Variants in ARHGAP5 observed in about 807,000 individuals in gnomAD.
ARHGAP5 encodes Rho GTPase activating protein 5.
ARHGAP5 carries 23 observed loss-of-function variants against 116.6 expected under a neutral mutation model. The observed-to-expected ratio is 0.20, with a 90% CI of 0.14 to 0.28. The LOEUF is 0.28. ARHGAP5 is among the 10% of genes least tolerant of loss of function. ARHGAP5 has a pLI of 1.00. For missense variants in ARHGAP5, 1,405 were observed against 1,774.8 expected, an observed-to-expected ratio of 0.79 and a Z score of 3.74; for synonymous variants, 574 against 602.0, an observed-to-expected ratio of 0.95 and a Z score of 0.68.
At chr14:32,081,868 A>G (rs1375714602) in intron 1 of ARHGAP5, among the ~76,000 whole-genome samples, 2 of 152,180 alleles carry the variant, frequency 1.3e-5, no homozygotes, top group Admixed American at 6.5e-5. Context: ...TTAGAGAACT[A>G]GTAAAAAATT....
intron 3 of ARHGAP5, among the ~76,000 whole-genome samples, chr14:32,134,529 C>T (rs985387515): frequency 6.6e-6 from 1 of 152,056 alleles, no homozygotes; most frequent in Non-Finnish European, 1.5e-5. Flanking sequence ...TAAGTGAAGC[C>T]CCATTAGTAA....
chr14:32,135,387 G>A (rs1176465739), intron 3 of ARHGAP5, among the ~76,000 whole-genome samples: 1 of 152,118 alleles, frequency 6.6e-6, no homozygotes, highest in African/African-American at 2.4e-5. Context: ...AGACTCACCT[G>A]GTCTGTTCAC....
chr14:32,127,639 C>A (rs567681985), intron 3 of ARHGAP5, among the ~76,000 whole-genome samples: 1 of 152,212 alleles, frequency 6.6e-6, no homozygotes, highest in African/African-American at 2.4e-5. Flanking sequence ...CTTTTCTATT[C>A]GACAAAACCG....
chr14:32,106,324 T>G (rs1879017556), intron 2 of ARHGAP5, among the ~76,000 whole-genome samples: 1 of 152,136 alleles, frequency 6.6e-6, no homozygotes, highest in African/African-American at 2.4e-5. Flanking sequence ...TTTCACCATC[T>G]TGGCCAGGCT....
Position 32,094,368 on chromosome 14 carries a change from A to G in ARHGAP5, c.3699A>G (p.Lys1233=), listed in dbSNP as rs770371912. Residue 1233 remains lysine, a synonymous_variant, in exon 2 of 7, where the codon AAA becomes AAG. Coordinates refer to ENST00000345122, the MANE Select transcript of ARHGAP5 (RefSeq NM_001030055.2). ...DDKKMKKKTH[K]VKEDKKQKKK... is the part of the protein sequence containing the mutation. ...AGAAGATGAAGAAGAAAACCCACAA[A>G]GTGAAAGAAGATAAAAAGGTAAGGT... The G allele has an allele frequency of 6.4e-7, 1 of 1,574,156 alleles. No homozygotes were observed. Among genetic ancestry groups the G allele is most frequent in the Admixed American group, 2.1e-5 (1 of 48,210 alleles).
Position 32,093,972 on chromosome 14 carries a change from G to A in ARHGAP5, c.3303G>A (p.Gln1101=), listed in dbSNP as rs558000347. The A allele has an allele frequency of 1.2e-6, 2 of 1,613,724 alleles. No individual in the cohort carries two copies. Among genetic ancestry groups the A allele is most frequent in the Non-Finnish European group, 1.7e-6 (2 of 1,179,936 alleles). ...AACCCATTGATACAATTTTCAAACA[G>A]AAGGGCTATTCTGATGAGATTTATG... ...YAEPIDTIFK[Q]KGYSDEIYVV... is the part of the protein sequence containing the mutation. The change falls in exon 2 of 7, where the codon CAG becomes CAA. Residue 1101 remains glutamine (Q), a synonymous_variant. Transcript: ENST00000345122.
intron 4 of ARHGAP5, 117 bp from the exon 5 acceptor site, chr14:32,149,785 G>A (rs1881557532): frequency 9.5e-6 from 5 of 529,020 alleles, no homozygotes; most frequent in Non-Finnish European, 1.2e-5. Flanking sequence ...AAAAAAAAAA[G>A]AAAAAGAAAA....
chr14:32,084,064 T>A (rs1289413874), intron 1 of ARHGAP5, among the ~76,000 whole-genome samples: 1 of 152,234 alleles, frequency 6.6e-6, no homozygotes, highest in African/African-American at 2.4e-5. Flanking sequence ...TTAGAATGAC[T>A]TGCACACCAA....
rs1042349624 is a variant in ARHGAP5, at chr14:32,133,671, G to A, written c.3866-12592G>A. Among the ~76,000 whole-genome samples, 10 of 152,174 alleles carry A rather than the reference G, an allele frequency of 6.6e-5. No homozygotes were observed. The South Asian group carries it at 1.0e-3, about 16-fold the overall frequency. ...TCCCTGTCTTGTGCCCGTTTTCAAA[G>A]GGAATGCTTCCAGTTTTTGCCCATT... On this transcript the variant is annotated intron_variant, in intron 3 of 6. Transcript: ENST00000345122.
At position 32,157,461 on chromosome 14, in the gene ARHGAP5, A is replaced by G. The variant is rs1300344254; in HGVS notation, c.*2513A>G. 6.6e-6 allele frequency: 1 copy of G among 152,272 alleles called. No individual in the cohort carries two copies. Among genetic ancestry groups the G allele is most frequent in the African/African-American group, 2.4e-5 (1 of 41,446 alleles). 9.4% of individuals were successfully genotyped at this position (152,272 alleles called of 1,614,324 possible). ...TACAATACTGAATAAAATTTCATCT[A>G]CACACATGTTGCCATTGTTTCATTT... On this transcript the variant is annotated 3_prime_UTR_variant, in exon 7 of 7. Coordinates refer to ENST00000345122, the MANE Select transcript of ARHGAP5 (RefSeq NM_001030055.2).
chr14:32,082,392 A>G (rs1408556867), intron 1 of ARHGAP5, among the ~76,000 whole-genome samples: 3 of 152,228 alleles, frequency 2.0e-5, no homozygotes, highest in African/African-American at 4.8e-5. Context: ...GTCTTTGGAA[A>G]TAACACCTGA....
chr14:32,148,212 A>G (rs1178696653), intron 4 of ARHGAP5, among the ~76,000 whole-genome samples: 2 of 144,602 alleles, frequency 1.4e-5, no homozygotes, highest in Non-Finnish European at 3.0e-5. Context: ...CTATCTATCT[A>G]TGTATATCTA....
rs770212873 is a variant in ARHGAP5, at chr14:32,090,704, C to T, written c.35C>T (p.Ser12Phe). 45 of 1,612,514 alleles carry T rather than the reference C, an allele frequency of 2.8e-5. No individual in the cohort carries two copies. Among genetic ancestry groups the T allele is most frequent in the Non-Finnish European group, 3.8e-5 (45 of 1,179,238 alleles). Residue 12 changes from serine (S) to phenylalanine (F), a missense_variant, in exon 2 of 7, where the codon TCC (serine) becomes TTC (phenylalanine). Ser to Phe is a radical substitution (Grantham distance 155). Around this residue, in one of 6 missense-constraint regions of ARHGAP5, gnomAD observed 190 missense variants for 314.9 expected, o/e 0.60. Coordinates refer to ENST00000345122, the MANE Select transcript of ARHGAP5 (RefSeq NM_001030055.2). ...AAAAACAAAGAGCCTCGTCCCCCAT[C>T]CTATACCATCAGTATAGTTGGACTC... Reference protein sequence around the residue: ...MAKNKEPRPPSYTISIVGLSG... With the variant: ...MAKNKEPRPPFYTISIVGLSG...
chr14:32,086,847 A>T (rs2041834362), intron 1 of ARHGAP5, among the ~76,000 whole-genome samples: 1 of 150,780 alleles, frequency 6.6e-6, no homozygotes, highest in African/African-American at 2.5e-5. Context: ...GATTATCCTA[A>T]AGACAATCTT....
At chr14:32,142,925 C>T (rs746523424) in intron 3 of ARHGAP5, among the ~76,000 whole-genome samples, 1 of 152,206 alleles carries the variant, frequency 6.6e-6, no homozygotes, top group Admixed American at 6.5e-5. Context: ...GGTGACATCA[C>T]TCCCCATGGA....
chr14:32,132,179 G>C (rs1260573091), intron 3 of ARHGAP5, among the ~76,000 whole-genome samples: 10 of 152,286 alleles, frequency 6.6e-5, no homozygotes, highest in African/African-American at 1.9e-4. Flanking sequence ...CACAATGGTT[G>C]AACCAGTTTA....
chr14:32,137,513 G>GT (rs1245443440), intron 3 of ARHGAP5, among the ~76,000 whole-genome samples: 5 of 151,742 alleles, frequency 3.3e-5, no homozygotes, highest in South Asian at 2.1e-4. Flanking sequence ...GAGTTCTTCG[G>GT]TTTTTTCTTC....
At chr14:32,080,233 C>T (rs1203048491) in intron 1 of ARHGAP5, among the ~76,000 whole-genome samples, 1 of 151,462 alleles carries the variant, frequency 6.6e-6, no homozygotes, top group Non-Finnish European at 1.5e-5. Flanking sequence ...CCTATGACAA[C>T]CCACCCTCCC....
rs1342225527 is a variant in ARHGAP5, at chr14:32,093,693, C to T, written c.3024C>T (p.Ser1008=). The T allele has an allele frequency of 1.9e-6, 3 of 1,614,010 alleles. No individual in the cohort carries two copies. Among genetic ancestry groups the T allele is most frequent in the East Asian group, 4.5e-5 (2 of 44,870 alleles). Residue 1008 remains serine (S), a synonymous_variant, in exon 2 of 7, where the codon TCC becomes TCT. Transcript: ENST00000345122. ...VQLLPTPSDR[S]RYRLDLEGNE... The stretch of plus-strand genomic sequence containing the variant: ...TGCTTCCAACACCTAGTGACCGTTC[C>T]AGATATAGATTAGATTTGGAAGGAA...
Sources: gnomAD v4.1 joint callset for allele counts (sites outside exome capture counted in the v4.1 genomes callset) on GRCh38, gnomAD v4.1.1 for gene constraint, gnomAD v4.1.1 regional missense constraint, MANE v1.5 for transcripts, NCBI Gene and HGNC (gene_info 2026-07-23, HGNC 2026-07-21) for gene names.